The following ACSM2A variants were observed in gnomAD, a reference collection of about 807,000 sequenced individuals.
ACSM2A encodes the protein acyl-coenzyme A synthetase ACSM2A, mitochondrial.
Under a neutral mutation model 76.6 loss-of-function variants are expected in ACSM2A, and 72 were observed. The observed-to-expected ratio is 0.94, with a 90% CI of 0.78 to 1.14. The LOEUF is 1.14. Ranked by LOEUF, ACSM2A falls within the 50% of genes most tolerant of loss-of-function variation. The pLI is 0.00. For missense variants in ACSM2A, 684 were observed against 708.5 expected (o/e 0.97, Z 0.39); for synonymous variants, 249 against 255.9 (o/e 0.97, Z 0.26).
chr16:20,478,531 T>C, intron 9 of ACSM2A, 45 bp from the exon 10 acceptor site: 1 of 1,590,898 alleles, frequency 6.3e-7, no homozygotes, highest in Non-Finnish European at 8.6e-7. Flanking sequence ...ATTGAAGCCA[T>C]CTCCTGCTGT....
At chr16:20,485,311 G>T (rs2014325206) in intron 13 of ACSM2A, among the ~76,000 whole-genome samples, 1 of 152,120 alleles carries the variant, frequency 6.6e-6, no homozygotes, top group Non-Finnish European at 1.5e-5. Flanking sequence ...GTCTCTTTCT[G>T]CAAGTCTCTC....
Position 20,487,335 on chromosome 16 carries a change from C to T in ACSM2A, c.*657C>T, listed in dbSNP as rs978929701. 25 of 150,682 alleles carry T rather than the reference C, an allele frequency of 1.7e-4. No homozygotes were observed. The highest frequency in any genetic ancestry group is 5.6e-4 in the African/African-American group (23 of 41,360). 9.3% of individuals were successfully genotyped at this position (150,682 alleles called of 1,614,324 possible). A position where few individuals can be genotyped will look rare whatever the true frequency, so the allele number is the denominator to read the frequency against. ...GGAGCTTGAGAAGGAAATGAAAGGC[C>T]GTGGCACCTTCTTATACCCTAGAAG... is the stretch of plus-strand genomic sequence containing the variant. On this transcript the variant is annotated 3_prime_UTR_variant, in exon 14 of 14. Coordinates refer to ENST00000573854, the MANE Select transcript of ACSM2A (RefSeq NM_001308172.2).
intron 13 of ACSM2A, among the ~76,000 whole-genome samples, chr16:20,486,212 A>C (rs2014375525): frequency 6.6e-6 from 1 of 152,240 alleles, no homozygotes; most frequent in Non-Finnish European, 1.5e-5. Flanking sequence ...CATCTTACTC[A>C]GTGGGAAAAC....
intron 8 of ACSM2A, chr16:20,476,898 C>T (rs965877364): frequency 1.0e-5 from 2 of 198,458 alleles, no homozygotes; most frequent in Non-Finnish European, 1.8e-5. Flanking sequence ...ATGGATACTT[C>T]ATTCTTCATG....
chr16:20,480,421 G>T, intron 10 of ACSM2A, 152 bp from the exon 11 acceptor site: 3 of 1,398,694 alleles, frequency 2.1e-6, no homozygotes, highest in Non-Finnish European at 2.9e-6. Flanking sequence ...TGTGGCCTAG[G>T]GTTGGCTGGT....
intron 1 of ACSM2A, among the ~76,000 whole-genome samples, chr16:20,454,996 A>G (rs1397314938): frequency 6.6e-6 from 1 of 151,372 alleles, no homozygotes; most frequent in Non-Finnish European, 1.5e-5. Flanking sequence ...GAACACAGAG[A>G]AAAACACACT....
At chr16:20,469,859 C>T in intron 4 of ACSM2A, 140 bp downstream of exon 4, 1 of 902,874 alleles carries the variant, frequency 1.1e-6, no homozygotes, top group Non-Finnish European at 1.6e-6. Context: ...GAAATAAAAG[C>T]TAACACAAGG....
intron 8 of ACSM2A, 70 bp downstream of exon 8, chr16:20,475,843 A>C: frequency 6.3e-7 from 1 of 1,599,166 alleles, no homozygotes; most frequent in African/African-American, 1.3e-5. Flanking sequence ...TGACAATAAA[A>C]ATTGTTAGCC....
chr16:20,475,943 A>G (rs2013715640), intron 8 of ACSM2A, 170 bp downstream of exon 8: 1 of 1,434,996 alleles, frequency 7.0e-7, no homozygotes, highest in Non-Finnish European at 9.2e-7. Flanking sequence ...ACAGAACAAA[A>G]AAGGCAAAGT....
At chr16:20,473,581 C>A (rs377034844) in intron 6 of ACSM2A, among the ~76,000 whole-genome samples, 61 of 152,138 alleles carry the variant, frequency 4.0e-4, no homozygotes, top group Non-Finnish European at 5.4e-4. Context: ...TTTTCTAGAC[C>A]TTTTGCTTAA....
intron 3 of ACSM2A, among the ~76,000 whole-genome samples, chr16:20,467,580 G>A (rs118158193): frequency 8.3e-4 from 127 of 152,170 alleles, no homozygotes; most frequent in Non-Finnish European, 1.6e-3. Context: ...CTAATAACAG[G>A]GTTATTCAAA....
At chr16:20,468,660 C>CAA (rs1213290013) in intron 3 of ACSM2A, among the ~76,000 whole-genome samples, 1 of 152,142 alleles carries the variant, frequency 6.6e-6, no homozygotes, top group East Asian at 1.9e-4. Context: ...ATACCTGGCC[C>CAA]TAAGTCTAGT....
chr16:20,452,600 T>C (rs187010967), intron 1 of ACSM2A: 1 of 124,692 alleles, frequency 8.0e-6, no homozygotes, highest in Non-Finnish European at 1.6e-5. Flanking sequence ...CTTATACATA[T>C]GAGTTTATAA....
intron 2 of ACSM2A, among the ~76,000 whole-genome samples, chr16:20,461,490 C>T (rs1442144961): frequency 6.6e-6 from 1 of 152,014 alleles, no homozygotes; most frequent in Non-Finnish European, 1.5e-5. Flanking sequence ...AAAAATATTT[C>T]CATTCACAAA....
intron 13 of ACSM2A, among the ~76,000 whole-genome samples, chr16:20,484,547 G>T (rs1308707282): frequency 4.4e-5 from 6 of 135,032 alleles, no homozygotes; most frequent in Admixed American, 3.8e-4. Flanking sequence ...TGGGGAAAGA[G>T]GTTACCACGC....
At chr16:20,474,942 G>A (rs2141738203) in intron 6 of ACSM2A, among the ~76,000 whole-genome samples, 1 of 152,246 alleles carries the variant, frequency 6.6e-6, no homozygotes. Context: ...AGGAAAATAA[G>A]GCTGGAAACA....
chr16:20,469,922 G>A (rs1349992356), intron 4 of ACSM2A, among the ~76,000 whole-genome samples: 1 of 143,394 alleles, frequency 7.0e-6, no homozygotes, highest in Admixed American at 7.2e-5. Context: ...ACTAAATGGG[G>A]CTTGATCTGC....
At chr16:20,483,289 G>A in intron 13 of ACSM2A, 112 bp downstream of exon 13, 3 of 1,492,870 alleles carry the variant, frequency 2.0e-6, no homozygotes, top group Non-Finnish European at 1.8e-6. Flanking sequence ...AGTCTTCCTG[G>A]CTGGGCGCGG....
Position 20,486,765 on chromosome 16 carries a change from A to T in ACSM2A, c.*87A>T, listed in dbSNP as rs2014404254. The T allele has an allele frequency of 9.0e-6, 13 of 1,447,554 alleles. No individual in the cohort carries two copies. The East Asian group carries it at 2.7e-4, about 31-fold the overall frequency. The allele number at this position is 1,447,554 out of a possible 1,614,324, so 89.7% of individuals were successfully genotyped here. On this transcript the variant is annotated 3_prime_UTR_variant, in exon 14 of 14. Coordinates refer to ENST00000573854, the MANE Select transcript of ACSM2A (RefSeq NM_001308172.2). ...CTTGGCCTTCCTATGATTATATGAGATTCTTTATGGAAGAACATGAATATA... is the reference window on the plus strand; with the variant it reads ...CTTGGCCTTCCTATGATTATATGAGTTTCTTTATGGAAGAACATGAATATA...
Sources: gnomAD v4.1 joint callset for allele counts (sites outside exome capture counted in the v4.1 genomes callset) on GRCh38, gnomAD v4.1.1 for gene constraint, MANE v1.5 for transcripts, NCBI Gene and HGNC (gene_info 2026-07-23, HGNC 2026-07-21) for gene names.